GAPVD1: variants seen among roughly 807,000 people sequenced by gnomAD.
GAPVD1 encodes the protein GTPase-activating protein and VPS9 domain-containing protein 1.
In GAPVD1, 35 loss-of-function variants were observed where a neutral mutation model predicts 155.5. That is an observed-to-expected ratio of 0.23 (90% CI 0.17 to 0.30). The LOEUF (loss-of-function observed/expected upper bound fraction) is 0.30. Ranked by LOEUF, GAPVD1 falls within the 10% of genes least tolerant of loss-of-function variation. The pLI is 1.00. For missense variants in GAPVD1, 1,429 were observed against 1,775.7 expected (o/e 0.80, Z 3.51); for synonymous variants, 636 against 619.7 (o/e 1.03, Z -0.39).
intron 8 of GAPVD1, chr9:125,308,600 A>G (rs559981685): frequency 6.6e-6 from 1 of 152,276 alleles, no homozygotes; most frequent in Non-Finnish European, 1.5e-5. Context: ...TTGCTTGGTT[A>G]ACATTTGCTA....
chr9:125,279,691 A>G (rs1366672391), intron 2 of GAPVD1, among the ~76,000 whole-genome samples: 1 of 151,808 alleles, frequency 6.6e-6, no homozygotes, highest in African/African-American at 2.4e-5. Context: ...AATCTTTCCC[A>G]TACATAATCT....
At chr9:125,307,938 T>C (rs1842109201) in intron 8 of GAPVD1, 58 bp downstream of exon 8, 1 of 1,176,324 alleles carries the variant, frequency 8.5e-7, no homozygotes, top group Non-Finnish European at 1.3e-6. Context: ...CATTAGCCTT[T>C]GTTATTGCTG....
chr9:125,330,151 C>T lies in GAPVD1; in HGVS notation c.2106C>T (p.Cys702=). 6.2e-7 allele frequency: 1 copy of T among 1,610,800 alleles called. No homozygotes were observed. The highest frequency in any genetic ancestry group is 2.2e-5 in the East Asian group (1 of 44,866). ...CAGGGTCAGTGCTTCTTGACCCCTG[C>T]ACTGGTTCTACCATATCAGAGACAA... is the stretch of plus-strand genomic sequence containing the variant. ...PGSGSVLLDP[C]TGSTISETTS... Residue 702 remains cysteine (C), a synonymous_variant, in exon 13 of 28, where the codon TGC becomes TGT. Transcript: ENST00000297933.
chr9:125,302,473 TTC>T lies in GAPVD1; in HGVS notation c.681_682del (p.Pro228IlefsTer14). The T allele has an allele frequency of 6.2e-7, 1 of 1,613,398 alleles. No homozygotes were observed. Among genetic ancestry groups the T allele is most frequent in the Non-Finnish European group, 8.5e-7 (1 of 1,179,808 alleles). On this transcript the variant is annotated frameshift_variant, in exon 5 of 28. Transcript: ENST00000297933. LOFTEE classifies it high-confidence loss of function. ...ETDPNKLIER[F>X]SPSQQEKLFG... ...AGATCCAAACAAGCTAATTGAGAGG[TTC>T]TCTCCATCTCAGCAGGAAAAACTCT...
At chr9:125,277,323 T>C (rs1588579234) in intron 2 of GAPVD1, among the ~76,000 whole-genome samples, 1 of 152,192 alleles carries the variant, frequency 6.6e-6, no homozygotes, top group Non-Finnish European at 1.5e-5. Flanking sequence ...TGTAAAGTGC[T>C]GTGGGAGAGA....
chr9:125,263,842 T>G (rs1833383962), intron 1 of GAPVD1: 1 of 1,206,496 alleles, frequency 8.3e-7, no homozygotes, highest in South Asian at 1.2e-5. Context: ...AGGTACAGTC[T>G]CCGGGGGGCA....
At chr9:125,337,904 C>A (rs1847268491) in intron 17 of GAPVD1, among the ~76,000 whole-genome samples, 1 of 152,142 alleles carries the variant, frequency 6.6e-6, no homozygotes, top group Admixed American at 6.6e-5. Context: ...GAGATGGAGT[C>A]ACACTCTGTT....
intron 26 of GAPVD1, 38 bp from the exon 27 acceptor site, chr9:125,360,490 G>A: frequency 6.4e-7 from 1 of 1,557,060 alleles, no homozygotes; most frequent in Non-Finnish European, 8.9e-7. Context: ...GGTTGCCACT[G>A]GATTCAGAAT....
At chr9:125,330,832 A>C (rs1335979256) in intron 13 of GAPVD1, among the ~76,000 whole-genome samples, 1 of 152,220 alleles carries the variant, frequency 6.6e-6, no homozygotes. Context: ...TATCTTCCAC[A>C]AACTCATGAC....
chr9:125,312,328 A>G, intron 8 of GAPVD1, 124 bp from the exon 9 acceptor site: 2 of 616,154 alleles, frequency 3.2e-6, no homozygotes, highest in African/African-American at 1.9e-5. Flanking sequence ...TCTTATTTAT[A>G]TTTTTTACCA....
At chr9:125,331,561 A>G (rs550128141) in intron 13 of GAPVD1, among the ~76,000 whole-genome samples, 4 of 152,330 alleles carry the variant, frequency 2.6e-5, no homozygotes, top group South Asian at 4.1e-4. Context: ...GTTGGGGACA[A>G]TAGGATTAGC....
chr9:125,339,094 G>A (rs546248702), intron 17 of GAPVD1, among the ~76,000 whole-genome samples: 7 of 152,180 alleles, frequency 4.6e-5, no homozygotes, highest in Non-Finnish European at 8.8e-5. Flanking sequence ...CAATCCTCCC[G>A]CTTTGGCCTC....
At chr9:125,357,172 C>T (rs1446194694) in intron 25 of GAPVD1, among the ~76,000 whole-genome samples, 1 of 152,208 alleles carries the variant, frequency 6.6e-6, no homozygotes, top group South Asian at 2.1e-4. Context: ...AATGTTCTCT[C>T]CACACTGCCT....
intron 3 of GAPVD1, among the ~76,000 whole-genome samples, chr9:125,296,364 T>TTTTTTGTTTTTTC (rs1391657115): frequency 6.8e-6 from 1 of 146,444 alleles, no homozygotes. Context: ...TTAGGTTTTT[T>TTTTTTGTTTTTTC]TTTTTTTTTG....
rs143305934 is a variant in GAPVD1, at chr9:125,279,054, A to G, written c.-150+10070A>G. ...TGGTGAAACCCCGTATCTACTGAAAATACAGAAATTAGCCAGGTGTGGTGG... is the reference window on the plus strand; with the variant it reads ...TGGTGAAACCCCGTATCTACTGAAAGTACAGAAATTAGCCAGGTGTGGTGG... On this transcript the variant is annotated intron_variant, in intron 2 of 27. Transcript: ENST00000297933. 1.6e-3 allele frequency among the ~76,000 whole-genome samples: 247 copies of G among 151,260 alleles called. 1 individual carries two copies. Among genetic ancestry groups the G allele is most frequent in the African/African-American group, 5.6e-3 (230 of 41,154 alleles).
chr9:125,280,396 CAAAA>C (rs750354567), intron 2 of GAPVD1, among the ~76,000 whole-genome samples: 4 of 57,338 alleles, frequency 7.0e-5, no homozygotes, highest in Non-Finnish European at 9.4e-5. Flanking sequence ...AAGTCCATCT[CAAAA>C]AAAAAAAAAA....
At chr9:125,277,493 T>C (rs1376441574) in intron 2 of GAPVD1, among the ~76,000 whole-genome samples, 1 of 152,188 alleles carries the variant, frequency 6.6e-6, no homozygotes, top group Non-Finnish European at 1.5e-5. Flanking sequence ...GTAGAAATTG[T>C]CACTGGAAAG....
At chr9:125,277,942 A>T (rs1446665938) in intron 2 of GAPVD1, among the ~76,000 whole-genome samples, 1 of 152,142 alleles carries the variant, frequency 6.6e-6, no homozygotes, top group Non-Finnish European at 1.5e-5. Flanking sequence ...TGTTGGGATT[A>T]TAAGCGTGAG....
intron 2 of GAPVD1, among the ~76,000 whole-genome samples, chr9:125,277,201 C>T (rs1311410815): frequency 6.6e-6 from 1 of 152,206 alleles, no homozygotes; most frequent in African/African-American, 2.4e-5. Context: ...ATTCATTCAG[C>T]ACCTGCTAAA....
Sources: gnomAD v4.1 joint callset for allele counts (sites outside exome capture counted in the v4.1 genomes callset) on GRCh38, gnomAD v4.1.1 for gene constraint, MANE v1.5 for transcripts, NCBI Gene and HGNC (gene_info 2026-07-23, HGNC 2026-07-21) for gene names.